The following CTIF variants were observed in gnomAD, a reference collection of about 807,000 sequenced individuals.
The protein encoded by CTIF is CBP80/20-dependent translation initiation factor.
CTIF carries 21 observed loss-of-function variants against 66.0 expected under a neutral mutation model. That is an observed-to-expected ratio of 0.32 (90% confidence interval 0.23 to 0.46). The LOEUF is 0.46. Ranked by LOEUF, CTIF falls within the 20% of genes least tolerant of loss-of-function variation. The pLI is 1.00. For missense variants in CTIF, 739 were observed against 812.7 expected (o/e 0.91, Z 1.10); for synonymous variants, 345 against 326.4 (o/e 1.06, Z -0.62).
At chr18:48,629,013 G>A (rs549832783) in intron 2 of CTIF, among the ~76,000 whole-genome samples, 2 of 152,358 alleles carry the variant, frequency 1.3e-5, no homozygotes, top group South Asian at 2.1e-4. Context: ...GAGAAGTTGG[G>A]TCTTCAGGCT....
chr18:48,778,822 T>C (rs1012627156), intron 9 of CTIF, among the ~76,000 whole-genome samples: 3 of 152,154 alleles, frequency 2.0e-5, no homozygotes, highest in African/African-American at 7.2e-5. Context: ...GGGGGCATTC[T>C]CACTAGCACC....
At chr18:48,806,463 G>T (rs2068149436) in intron 9 of CTIF, among the ~76,000 whole-genome samples, 1 of 152,188 alleles carries the variant, frequency 6.6e-6, no homozygotes, top group Non-Finnish European at 1.5e-5. Context: ...ACAAACCAGG[G>T]TCACTGGGGG....
At chr18:48,573,686 G>A (rs1334945922) in intron 1 of CTIF, among the ~76,000 whole-genome samples, 2 of 152,208 alleles carry the variant, frequency 1.3e-5, no homozygotes, top group Non-Finnish European at 2.9e-5. Flanking sequence ...TGTGACAAAA[G>A]CTCCAGGTTG....
At chr18:48,561,906 A>G (rs1349512785) in intron 1 of CTIF, among the ~76,000 whole-genome samples, 4 of 152,190 alleles carry the variant, frequency 2.6e-5, no homozygotes, top group Non-Finnish European at 1.5e-5. Flanking sequence ...CTCCAGCCCA[A>G]TGCCTGTTTT....
At chr18:48,804,688 GC>G (rs762028690) in intron 9 of CTIF, among the ~76,000 whole-genome samples, 1 of 152,202 alleles carries the variant, frequency 6.6e-6, no homozygotes, top group African/African-American at 2.4e-5. Flanking sequence ...TCAGACTGAT[GC>G]CAAGACCTTC....
chr18:48,779,898 G>A (rs974231767), intron 9 of CTIF, among the ~76,000 whole-genome samples: 1 of 152,212 alleles, frequency 6.6e-6, no homozygotes, highest in Non-Finnish European at 1.5e-5. Flanking sequence ...AGGTGCTGGA[G>A]GCTGCAGCTC....
At chr18:48,775,840 G>A (rs1910616636) in intron 9 of CTIF, among the ~76,000 whole-genome samples, 1 of 152,210 alleles carries the variant, frequency 6.6e-6, no homozygotes, top group African/African-American at 2.4e-5. Context: ...GAGGATTGGG[G>A]AAGGAGGTAC....
intron 1 of CTIF, among the ~76,000 whole-genome samples, chr18:48,612,505 C>T (rs2090325373): frequency 6.6e-6 from 1 of 152,220 alleles, no homozygotes; most frequent in Non-Finnish European, 1.5e-5. Context: ...GCCAGCTCTG[C>T]CTATAATAGT....
At chr18:48,730,265 A>AGTGTGAGGGCCTCCTGGG (rs1344312082) in intron 7 of CTIF, among the ~76,000 whole-genome samples, 4 of 86,614 alleles carry the variant, frequency 4.6e-5, no homozygotes, top group Admixed American at 3.2e-4. Context: ...GGGCCCCCGC[A>AGTGTGAGGGCCTCCTGGG]GTGTGAGGGC....
At chr18:48,659,641 C>T (rs992202463) in intron 3 of CTIF, among the ~76,000 whole-genome samples, 3 of 152,236 alleles carry the variant, frequency 2.0e-5, no homozygotes, top group Admixed American at 6.5e-5. Flanking sequence ...GGCAGGAGGC[C>T]GGTCAGTGTG....
In CTIF at chr18:48,817,351, G is replaced by T; in HGVS notation, c.1502G>T (p.Cys501Phe). Reference sequence around the variant, plus strand: ...GGCGAGCCCTTCCGTGTGCTCGTGTGCCCCATCTACACCTGCCTCAGGGAG... The same window carrying T: ...GGCGAGCCCTTCCGTGTGCTCGTGTTCCCCATCTACACCTGCCTCAGGGAG... ...STGEPFRVLVCPIYTCLRELL... is the reference protein window; with the variant it reads ...STGEPFRVLVFPIYTCLRELL... Residue 501 changes from cysteine (C) to phenylalanine (F), a missense_variant, in exon 10 of 12, where the codon TGC becomes TTC. Physicochemically the swap from Cys to Phe is radical, Grantham distance 205. Coordinates refer to ENST00000256413, the MANE Select transcript of CTIF (RefSeq NM_014772.3). 1 of 1,612,544 alleles carries T rather than the reference G, an allele frequency of 6.2e-7. No individual in the cohort carries two copies.
intron 6 of CTIF, among the ~76,000 whole-genome samples, chr18:48,693,751 C>T (rs1035486773): frequency 1.1e-4 from 16 of 152,242 alleles, no homozygotes; most frequent in Non-Finnish European, 2.1e-4. Context: ...CCAAGTCCAG[C>T]CCTCCATTGG....
chr18:48,702,546 G>A (rs996121495), intron 6 of CTIF, among the ~76,000 whole-genome samples: 4 of 152,172 alleles, frequency 2.6e-5, no homozygotes, highest in African/African-American at 9.7e-5. Context: ...CACGCCACAG[G>A]GCACCAATGT....
chr18:48,607,456 A>T (rs1477795838), intron 1 of CTIF, among the ~76,000 whole-genome samples: 1 of 152,224 alleles, frequency 6.6e-6, no homozygotes, highest in Non-Finnish European at 1.5e-5. Flanking sequence ...GCCCATCAGC[A>T]GCCGTCTGCT....
intron 7 of CTIF, among the ~76,000 whole-genome samples, chr18:48,719,072 T>C (rs1257062743): frequency 6.6e-6 from 1 of 152,228 alleles, no homozygotes; most frequent in East Asian, 1.9e-4. Flanking sequence ...GCCCCATCAG[T>C]AGCCTCATGT....
chr18:48,727,776 G>A (rs568226914), intron 7 of CTIF, among the ~76,000 whole-genome samples: 5 of 152,144 alleles, frequency 3.3e-5, no homozygotes, highest in Admixed American at 6.6e-5. Flanking sequence ...AGGCAGCACC[G>A]CTGAACTTTC....
intron 10 of CTIF, among the ~76,000 whole-genome samples, chr18:48,839,849 G>A (rs139564217): frequency 3.3e-4 from 50 of 152,270 alleles, no homozygotes; most frequent in African/African-American, 1.2e-3. Flanking sequence ...CTGGGGGGCT[G>A]CATCCCAGGG....
At chr18:48,757,750 C>T (rs191530284) in intron 7 of CTIF, among the ~76,000 whole-genome samples, 169 bp from the exon 8 acceptor site, 3 of 152,198 alleles carry the variant, frequency 2.0e-5, no homozygotes, top group African/African-American at 7.2e-5. Context: ...TCGGCTGTAT[C>T]CCCAGGGGCT....
At chr18:48,574,782 C>T (rs907541) in intron 1 of CTIF, among the ~76,000 whole-genome samples, 142,822 of 152,260 alleles carry the variant, frequency 0.94, 67,040 homozygotes, top group East Asian at 1. Context: ...AATGCTGGGA[C>T]ACTCGATCAA....
Sources: gnomAD v4.1 joint callset for allele counts (sites outside exome capture counted in the v4.1 genomes callset) on GRCh38, gnomAD v4.1.1 for gene constraint, MANE v1.5 for transcripts, NCBI Gene and HGNC (gene_info 2026-07-23, HGNC 2026-07-21) for gene names.